Variants in DNAH14 observed in about 807,000 individuals in gnomAD.
DNAH14 encodes axonemal beta dynein heavy chain 14.
DNAH14 carries 478 observed loss-of-function variants against 520.9 expected under a neutral mutation model. That is an observed-to-expected ratio of 0.92 (90% CI 0.85 to 0.99). DNAH14 has a LOEUF of 0.99. Among genes scored for constraint, DNAH14 ranks in the 50% least tolerant of loss-of-function variants. The pLI is 0.00. For synonymous variants in DNAH14, 1,581 were observed against 1,757.2 expected, an observed-to-expected ratio of 0.90 and a Z score of 2.51; for missense variants, 4,831 against 5,234.5, an observed-to-expected ratio of 0.92 and a Z score of 2.38.
intron 38 of DNAH14, among the ~76,000 whole-genome samples, chr1:225,198,453 G>C (rs2086430310): frequency 6.6e-6 from 1 of 152,050 alleles, no homozygotes; most frequent in Non-Finnish European, 1.5e-5. Flanking sequence ...TCCTGACCTT[G>C]TGATCTGCCC....
intron 37 of DNAH14, among the ~76,000 whole-genome samples, 167 bp from the exon 38 acceptor site, chr1:225,192,529 T>C (rs1374665393): frequency 6.6e-6 from 1 of 152,132 alleles, no homozygotes; most frequent in African/African-American, 2.4e-5. Flanking sequence ...TTATGGATAA[T>C]TTTAAGAAGT....
chr1:225,352,156 A>G (rs1028150279), intron 72 of DNAH14, among the ~76,000 whole-genome samples: 1 of 152,198 alleles, frequency 6.6e-6, no homozygotes, highest in Non-Finnish European at 1.5e-5. Flanking sequence ...CTAGTTTTGA[A>G]CCTTGAATCT....
Position 225,300,921 on chromosome 1 carries a change from A to T in DNAH14, c.8522A>T (p.Asp2841Val). ...ATCATCAGTTCAGGAAGAATACCTGACCTGTTTGAAAATGTTGAGCTGGAT... is the reference window on the plus strand; with the variant it reads ...ATCATCAGTTCAGGAAGAATACCTGTCCTGTTTGAAAATGTTGAGCTGGAT... ...NYIISSGRIP[D>V]LFENVELDSI... Residue 2841 changes from aspartate to valine, a missense_variant, in exon 56 of 86, where the codon GAC becomes GTC. Asp to Val is a radical substitution (Grantham distance 152, BLOSUM62 -3). Coordinates refer to ENST00000682510, the MANE Select transcript of DNAH14 (RefSeq NM_001367479.1). 1 of 1,551,430 alleles carries T rather than the reference A, an allele frequency of 6.4e-7. No homozygotes were observed. The highest frequency in any genetic ancestry group is 8.7e-7 in the Non-Finnish European group (1 of 1,146,890).
At chr1:225,278,978 T>TTTTG (rs1160715574) in intron 54 of DNAH14, among the ~76,000 whole-genome samples, 10 of 152,210 alleles carry the variant, frequency 6.6e-5, no homozygotes, top group Admixed American at 2.0e-4. Context: ...GTTGGGGTTT[T>TTTTG]TTTGTTTGTT....
chr1:225,124,978 T>G (rs1241924031), intron 27 of DNAH14, among the ~76,000 whole-genome samples: 1 of 152,186 alleles, frequency 6.6e-6, no homozygotes, highest in Non-Finnish European at 1.5e-5. Context: ...CTTGTACATC[T>G]CCATCAGAAC....
chr1:225,169,599 C>A (rs2082390433), intron 36 of DNAH14, among the ~76,000 whole-genome samples: 1 of 152,214 alleles, frequency 6.6e-6, no homozygotes, highest in East Asian at 1.9e-4. Context: ...ATGAACAAAG[C>A]CTCCAAGAAA....
At chr1:224,943,882 T>C (rs566989688) in intron 1 of DNAH14, among the ~76,000 whole-genome samples, 1 of 152,302 alleles carries the variant, frequency 6.6e-6, no homozygotes, top group South Asian at 2.1e-4. Context: ...ATTTCTGTTC[T>C]TTTACATTTG....
At chr1:224,948,119 G>C (rs1447475064) in intron 1 of DNAH14, among the ~76,000 whole-genome samples, 1 of 151,586 alleles carries the variant, frequency 6.6e-6, no homozygotes, top group Non-Finnish European at 1.5e-5. Context: ...GAAAAGGTTG[G>C]CCTGATTAAC....
At chr1:225,186,153 CTTAG>C (rs1291706389) in intron 37 of DNAH14, among the ~76,000 whole-genome samples, 2 of 151,618 alleles carry the variant, frequency 1.3e-5, no homozygotes, top group African/African-American at 4.8e-5. Context: ...ACTTCAATTA[CTTAG>C]TTAATGATTT....
chr1:225,054,687 CT>C (rs1044566079), intron 17 of DNAH14, among the ~76,000 whole-genome samples: 1 of 152,048 alleles, frequency 6.6e-6, no homozygotes, highest in Non-Finnish European at 1.5e-5. Flanking sequence ...TGGTTTCTGA[CT>C]GTTAAATCAT....
At chr1:225,097,634 C>T (rs932244332) in intron 22 of DNAH14, among the ~76,000 whole-genome samples, 2 of 151,782 alleles carry the variant, frequency 1.3e-5, no homozygotes, top group African/African-American at 2.4e-5. Context: ...ATAAGGTGGG[C>T]GTGGTGGTGG....
At position 225,297,717 on chromosome 1, in the gene DNAH14, C is replaced by T. The variant is rs186540252; in HGVS notation, c.8470-3152C>T. Among the ~76,000 whole-genome samples, 179 of 152,308 alleles carry T rather than the reference C, an allele frequency of 1.2e-3. 2 individuals carry two copies. Among genetic ancestry groups the T allele is most frequent in the Middle Eastern group, 6.8e-3 (2 of 294 alleles). ...GGTGCAACTTTGCTGGAGGTGGGCT[C>T]ACCAGGCTGTTTCTCATGTCAAGGG... On this transcript the variant is annotated intron_variant, in intron 55 of 85. Transcript: ENST00000682510.
chr1:225,007,447 T>TG lies in DNAH14; in HGVS notation c.1010_1011insG (p.Phe337LeufsTer3). The TG allele has an allele frequency of 6.5e-7, 1 of 1,540,026 alleles. No homozygotes were observed. ...TCTCGAACATATTCTCTAGATGAAT[T>TG]TTGTGAAGAGCAGTTACAGCAAGCT... On this transcript the variant is annotated frameshift_variant, in exon 10 of 86. Coordinates refer to ENST00000682510, the MANE Select transcript of DNAH14 (RefSeq NM_001367479.1). LOFTEE classifies it high-confidence loss of function.
intron 38 of DNAH14, among the ~76,000 whole-genome samples, chr1:225,202,604 G>A (rs183343771): frequency 4.1e-4 from 62 of 152,196 alleles, no homozygotes; most frequent in Admixed American, 8.5e-4. Flanking sequence ...AACTTGCCCC[G>A]GCTACCCATC....
At chr1:225,335,310 T>C (rs1304973801) in intron 66 of DNAH14, among the ~76,000 whole-genome samples, 1 of 134,848 alleles carries the variant, frequency 7.4e-6, no homozygotes, top group Non-Finnish European at 1.6e-5. Context: ...TGTGTACACG[T>C]GTGTATATGC....
chr1:225,257,298 A>T (rs1263505019), intron 44 of DNAH14, among the ~76,000 whole-genome samples: 1 of 152,192 alleles, frequency 6.6e-6, no homozygotes, highest in Non-Finnish European at 1.5e-5. Context: ...AATGAAAGTG[A>T]TGATGAAAGT....
chr1:225,038,927 C>A, intron 12 of DNAH14, 104 bp downstream of exon 12: 2 of 1,009,460 alleles, frequency 2.0e-6, no homozygotes, highest in South Asian at 1.9e-5. Flanking sequence ...AAGCCCTTAC[C>A]CAACATACCC....
chr1:225,245,541 C>A lies in DNAH14; in HGVS notation c.6748+4719C>A, dbSNP rs115536631. 5.0e-3 allele frequency among the ~76,000 whole-genome samples: 768 copies of A among 152,144 alleles called. 9 individuals are homozygous for A. The highest frequency in any genetic ancestry group is 0.016 in the African/African-American group (667 of 41,512). On this transcript the variant is annotated intron_variant, in intron 43 of 85. Coordinates refer to ENST00000682510, the MANE Select transcript of DNAH14 (RefSeq NM_001367479.1). ...GTGCAAAATCACAAGCATTCCTATACACCAATATAGGCAATATATTGACAA... is the reference window on the plus strand; with the variant it reads ...GTGCAAAATCACAAGCATTCCTATAAACCAATATAGGCAATATATTGACAA...
Position 225,023,794 on chromosome 1 carries a change from A to G in DNAH14, c.1287A>G (p.Leu429=). The change falls in exon 11 of 86, where the codon CTA becomes CTG. Residue 429 remains leucine, a synonymous_variant. Coordinates refer to ENST00000682510, the MANE Select transcript of DNAH14 (RefSeq NM_001367479.1). ...AACTTATGAACACTGCAGTCACACT[A>G]CTTTTGGAATTATTTAATGGTTCTG... The part of the protein sequence containing the change: ...IRQLMNTAVT[L]LLELFNGSAG... 6.5e-7 allele frequency: 1 copy of G among 1,550,234 alleles called. No homozygotes were observed.
Sources: gnomAD v4.1 joint callset for allele counts (sites outside exome capture counted in the v4.1 genomes callset) on GRCh38, gnomAD v4.1.1 for gene constraint, MANE v1.5 for transcripts, NCBI Gene and HGNC (gene_info 2026-07-23, HGNC 2026-07-21) for gene names.